EPC1: variants seen among roughly 807,000 people sequenced by gnomAD.
EPC1 encodes enhancer of polycomb homolog 1.
A neutral mutation model predicts 98.4 loss-of-function variants in EPC1; 12 were observed. The ratio of observed to expected loss-of-function variants is 0.12; its 90% CI spans 0.08 to 0.20. The LOEUF (loss-of-function observed/expected upper bound fraction) is 0.20. EPC1 is among the 10% of genes least tolerant of loss of function. The pLI, the probability that EPC1 is intolerant of heterozygous loss-of-function variation, is 1.00. For missense variants in EPC1, 729 were observed against 990.5 expected (o/e 0.74, Z 3.54); for synonymous variants, 357 against 363.9 (o/e 0.98, Z 0.21).
chr10:32,377,081 A>G (rs774623080), intron 1 of EPC1: 1 of 152,230 alleles, frequency 6.6e-6, no homozygotes, highest in Admixed American at 6.6e-5. Flanking sequence ...TGGAAAAGAT[A>G]TAATCCTGCA....
At chr10:32,275,419 G>T (rs1372534705) in intron 10 of EPC1, among the ~76,000 whole-genome samples, 2 of 152,174 alleles carry the variant, frequency 1.3e-5, no homozygotes, top group Non-Finnish European at 2.9e-5. Context: ...GGATCACGAG[G>T]TCAGGAGTTC....
rs777513562 is a variant in EPC1, at chr10:32,299,470, G to T, written c.314-5733C>A. ...CAAAGTGCTGGGATTACAGGCGTGAGTCCCCGTGCCTGGCCACCATTGTCT... is the reference window on the plus strand; with the variant it reads ...CAAAGTGCTGGGATTACAGGCGTGATTCCCCGTGCCTGGCCACCATTGTCT... On this transcript the variant is annotated intron_variant, in intron 2 of 13. Coordinates refer to ENST00000319778, the MANE Select transcript of EPC1 (RefSeq NM_001272004.3). Among the ~76,000 whole-genome samples the T allele has an allele frequency of 1.1e-4, 16 of 152,236 alleles. 1 individual carries two copies. The highest frequency in any genetic ancestry group is 8.3e-4 in the South Asian group (4 of 4,826).
chr10:32,269,306 A>G, intron 13 of EPC1, 171 bp from the exon 14 acceptor site: 1 of 547,344 alleles, frequency 1.8e-6, no homozygotes, highest in Non-Finnish European at 3.2e-6. Context: ...ATCAGAAATC[A>G]GGCTAATGTT....
intron 9 of EPC1, chr10:32,286,280 A>G (rs1836675368): frequency 6.2e-6 from 1 of 161,628 alleles, no homozygotes; most frequent in African/African-American, 2.4e-5. Flanking sequence ...CTGGGATGTC[A>G]AGATCAGGTT....
At chr10:32,363,556 C>A (rs903404330) in intron 1 of EPC1, among the ~76,000 whole-genome samples, 2 of 152,142 alleles carry the variant, frequency 1.3e-5, no homozygotes, top group African/African-American at 2.4e-5. Context: ...AAAACCTAGA[C>A]CTTTAAAAGA....
chr10:32,294,008 T>C (rs1834997974), intron 2 of EPC1, among the ~76,000 whole-genome samples: 1 of 152,172 alleles, frequency 6.6e-6, no homozygotes, highest in Non-Finnish European at 1.5e-5. Context: ...GCAAATACAC[T>C]AGAAGCCTAT....
chr10:32,349,840 T>C (rs560143990), upstream of EPC1, among the ~76,000 whole-genome samples: 2 of 152,274 alleles, frequency 1.3e-5, no homozygotes, highest in East Asian at 3.9e-4. Context: ...CCTCAAGCAG[T>C]CCTCCCACCT....
chr10:32,345,216 A>G, intron 1 of EPC1: 2 of 985,258 alleles, frequency 2.0e-6, no homozygotes, highest in African/African-American at 1.7e-5. Flanking sequence ...ATTAAGAGGT[A>G]GTGTCTCATG....
chr10:32,306,087 A>G (rs1180213186), intron 1 of EPC1, among the ~76,000 whole-genome samples, 156 bp from the exon 2 acceptor site: 3 of 152,370 alleles, frequency 2.0e-5, no homozygotes, highest in East Asian at 1.9e-4. Context: ...ACAACTAGTG[A>G]TAAAATCAGT....
intron 1 of EPC1, among the ~76,000 whole-genome samples, chr10:32,308,998 C>G (rs905453971): frequency 4.6e-5 from 7 of 152,130 alleles, no homozygotes; most frequent in Non-Finnish European, 1.0e-4. Context: ...ATGGATGGAA[C>G]TGGAGGACAC....
intron 1 of EPC1, among the ~76,000 whole-genome samples, chr10:32,320,723 T>A (rs1836857634): frequency 5.9e-5 from 9 of 151,986 alleles, no homozygotes; most frequent in Admixed American, 5.9e-4. Context: ...GCCTCCCAAG[T>A]AGCTTGGATT....
intron 1 of EPC1, among the ~76,000 whole-genome samples, chr10:32,344,862 T>C (rs891552561): frequency 6.6e-6 from 1 of 152,210 alleles, no homozygotes; most frequent in Non-Finnish European, 1.5e-5. Context: ...GCACTGATAC[T>C]TCATTGAGCT....
At chr10:32,332,456 C>T (rs1056891752) in intron 1 of EPC1, among the ~76,000 whole-genome samples, 20 of 152,200 alleles carry the variant, frequency 1.3e-4, no homozygotes, top group Non-Finnish European at 2.2e-4. Context: ...ACCAACAGCA[C>T]ATGGCAGAAG....
intron 2 of EPC1, among the ~76,000 whole-genome samples, chr10:32,304,918 TAAAAAAAAAAAAAAAA>T (rs11351207): frequency 8.4e-6 from 1 of 119,448 alleles, no homozygotes; most frequent in African/African-American, 3.1e-5. Context: ...AACTCCGTCT[TAAAAAAAAAAAAAAAA>T]AAGAAAAAAG....
At chr10:32,289,582 A>C (rs945922200) in intron 6 of EPC1, among the ~76,000 whole-genome samples, 4 of 151,694 alleles carry the variant, frequency 2.6e-5, no homozygotes, top group Admixed American at 2.6e-4. Flanking sequence ...AAATTTTCCC[A>C]TTCCTCAAAT....
intron 2 of EPC1, among the ~76,000 whole-genome samples, chr10:32,295,134 A>G (rs977270809): frequency 6.6e-6 from 1 of 152,096 alleles, no homozygotes; most frequent in African/African-American, 2.4e-5. Flanking sequence ...ATGCCTCCCT[A>G]TTAGAATGTG....
chr10:32,298,625 A>G (rs1835311483), intron 2 of EPC1, among the ~76,000 whole-genome samples: 1 of 152,230 alleles, frequency 6.6e-6, no homozygotes, highest in African/African-American at 2.4e-5. Flanking sequence ...TAAGATAAAG[A>G]TATCGCTGAC....
At chr10:32,348,559 A>G (rs1304688137), upstream of EPC1, among the ~76,000 whole-genome samples, 1 of 152,220 alleles carries the variant, frequency 6.6e-6, no homozygotes, top group Admixed American at 6.5e-5. Flanking sequence ...GGGAGAAAAC[A>G]GGACGGATTG....
intron 1 of EPC1, among the ~76,000 whole-genome samples, chr10:32,362,270 T>C (rs1453102297): frequency 3.3e-5 from 5 of 152,026 alleles, no homozygotes. Context: ...AGTTTAGATA[T>C]GTGTCCCTGC....
Sources: gnomAD v4.1 joint callset for allele counts (sites outside exome capture counted in the v4.1 genomes callset) on GRCh38, gnomAD v4.1.1 for gene constraint, MANE v1.5 for transcripts, NCBI Gene and HGNC (gene_info 2026-07-23, HGNC 2026-07-21) for gene names.